EPM2A: variants seen among roughly 807,000 people sequenced by gnomAD.
The protein encoded by EPM2A is laforin.
EPM2A carries 21 observed loss-of-function variants against 26.5 expected under a neutral mutation model. The ratio of observed to expected loss-of-function variants is 0.79; its 90% confidence interval spans 0.56 to 1.14. EPM2A has a LOEUF of 1.14. Among genes scored for constraint, EPM2A ranks in the 50% most tolerant of loss-of-function variants. The pLI is 0.00. For synonymous variants in EPM2A, 217 were observed against 177.6 expected, an observed-to-expected ratio of 1.22 and a Z score of -1.76; for missense variants, 458 against 440.8, an observed-to-expected ratio of 1.04 and a Z score of -0.35.
chr6:145,487,527 T>C (rs1779694617), intron 4 of EPM2A, among the ~76,000 whole-genome samples: 1 of 152,232 alleles, frequency 6.6e-6, no homozygotes, highest in African/African-American at 2.4e-5. Flanking sequence ...TTTTTAATAA[T>C]TGTCATTCTG....
rs190119910 is a variant in EPM2A, at chr6:145,708,583, T to A, written c.302-22287A>T. 2.8e-3 allele frequency among the ~76,000 whole-genome samples: 422 copies of A among 152,254 alleles called. 5 individuals are homozygous for A. The highest frequency in any genetic ancestry group is 9.7e-3 in the African/African-American group (403 of 41,542). On this transcript the variant is annotated intron_variant, in intron 1 of 3. Transcript: ENST00000367519. The stretch of plus-strand genomic sequence containing the variant: ...TGTTGAGCCTGTGGATGCATGGAAG[T>A]CAAGAATTGAGGTTTGGGAACCTCC...
intron 4 of EPM2A, among the ~76,000 whole-genome samples, chr6:145,416,805 T>A (rs1282848578): frequency 6.6e-6 from 1 of 152,180 alleles, no homozygotes; most frequent in Non-Finnish European, 1.5e-5. Context: ...ATAGACAAAC[T>A]GACAACATTT....
intron 2 of EPM2A, among the ~76,000 whole-genome samples, chr6:145,672,462 C>T (rs1480490529): frequency 6.6e-6 from 1 of 152,206 alleles, no homozygotes; most frequent in East Asian, 1.9e-4. Flanking sequence ...TGAGAACTAA[C>T]TACAATGATA....
chr6:145,703,141 A>G (rs557321816), intron 1 of EPM2A, among the ~76,000 whole-genome samples: 40 of 140,622 alleles, frequency 2.8e-4, no homozygotes, highest in South Asian at 8.7e-4. Flanking sequence ...TGCCCATGCT[A>G]GAGTGCAGTG....
chr6:145,505,300 A>T (rs1464939152), intron 2 of EPM2A, among the ~76,000 whole-genome samples: 1 of 152,174 alleles, frequency 6.6e-6, no homozygotes, highest in East Asian at 1.9e-4. Context: ...AGGTGCATGA[A>T]TAGTACATAG....
intron 4 of EPM2A, among the ~76,000 whole-genome samples, chr6:145,393,221 C>A (rs1000077291): frequency 2.6e-5 from 4 of 152,068 alleles, no homozygotes; most frequent in Non-Finnish European, 5.9e-5. Flanking sequence ...AGGAAAGATA[C>A]TCGAGTAGCT....
chr6:145,396,869 C>G (rs908502887), intron 4 of EPM2A, among the ~76,000 whole-genome samples: 3 of 152,170 alleles, frequency 2.0e-5, no homozygotes, highest in African/African-American at 7.2e-5. Context: ...CCATTTCTAC[C>G]TGGGATTCCC....
At chr6:145,657,387 C>G (rs1326572599) in intron 2 of EPM2A, among the ~76,000 whole-genome samples, 1 of 152,100 alleles carries the variant, frequency 6.6e-6, no homozygotes, top group Non-Finnish European at 1.5e-5. Context: ...CTGCACCCAG[C>G]CTTTTCCTAT....
intron 2 of EPM2A, among the ~76,000 whole-genome samples, chr6:145,614,492 G>A (rs551522111): frequency 9.2e-5 from 14 of 152,282 alleles, no homozygotes; most frequent in South Asian, 2.1e-4. Flanking sequence ...AGCTGACCTC[G>A]GCTTTCAAAA....
chr6:145,657,877 A>C (rs1778409869), intron 2 of EPM2A, among the ~76,000 whole-genome samples: 1 of 152,184 alleles, frequency 6.6e-6, no homozygotes. Flanking sequence ...ACTTATGGGC[A>C]CTCAGGTGAT....
In EPM2A at chr6:145,386,104, TA is replaced by T. The variant is rs779435380; in HGVS notation, c.556-2008del. On this transcript the variant is annotated intron_variant, in intron 4 of 4. Transcript: ENST00000638717. ...TTCAATAGAATATTCTTTAAAATAA[TA>T]AAAAAAAGATTTTAGGGAAAGGTGT... is the stretch of plus-strand genomic sequence containing the variant. Among the ~76,000 whole-genome samples the T allele has an allele frequency of 2.4e-4, 37 of 151,924 alleles. 1 individual carries two copies. Among genetic ancestry groups the T allele is most frequent in the African/African-American group, 7.7e-4 (32 of 41,474 alleles).
intron 4 of EPM2A, among the ~76,000 whole-genome samples, chr6:145,406,311 A>G (rs1399860759): frequency 2.0e-5 from 3 of 152,190 alleles, no homozygotes; most frequent in African/African-American, 7.2e-5. Flanking sequence ...CTAACAATAT[A>G]CAAGAAGCTT....
At chr6:145,578,356 G>A (rs912389107) in intron 2 of EPM2A, among the ~76,000 whole-genome samples, 2 of 152,172 alleles carry the variant, frequency 1.3e-5, no homozygotes, top group South Asian at 2.1e-4. Flanking sequence ...TGAAAAAGGA[G>A]ACATTACAAC....
At chr6:145,655,437 G>T (rs575320305) in intron 2 of EPM2A, among the ~76,000 whole-genome samples, 13 of 152,188 alleles carry the variant, frequency 8.5e-5, no homozygotes, top group Non-Finnish European at 1.9e-4. Context: ...GAAATAGGTT[G>T]CAAGGATACA....
intron 1 of EPM2A, among the ~76,000 whole-genome samples, chr6:145,723,449 A>G (rs1020486319): frequency 6.6e-6 from 1 of 152,152 alleles, no homozygotes; most frequent in African/African-American, 2.4e-5. Flanking sequence ...ACAAAAACAC[A>G]CAAGTATACC....
At chr6:145,513,171 A>G (rs2114765156) in intron 2 of EPM2A, among the ~76,000 whole-genome samples, 1 of 152,350 alleles carries the variant, frequency 6.6e-6, no homozygotes, top group South Asian at 2.1e-4. Flanking sequence ...CAAAGGATTA[A>G]TATCCTGAGT....
At chr6:145,711,732 G>C (rs1298347200) in intron 1 of EPM2A, among the ~76,000 whole-genome samples, 2 of 152,038 alleles carry the variant, frequency 1.3e-5, no homozygotes, top group African/African-American at 2.4e-5. Flanking sequence ...ATGTTTTTTA[G>C]AAAAGTTGAT....
rs376649906 is a variant in EPM2A at position 145,397,324 on chromosome 6, T to C, written c.556-13227A>G. Reference sequence around the variant, plus strand: ...GGCATGGTGGCACATGCCTGTAGTCTCGGTTACTTGGGAGGTAGAGGCAGG... The same window carrying C: ...GGCATGGTGGCACATGCCTGTAGTCCCGGTTACTTGGGAGGTAGAGGCAGG... On this transcript the variant is annotated intron_variant, in intron 4 of 4. Coordinates refer to the EPM2A transcript ENST00000638717. 1.8e-4 allele frequency among the ~76,000 whole-genome samples: 27 copies of C among 152,114 alleles called. No individual in the cohort carries two copies. The East Asian group carries it at 4.3e-3, about 24-fold the overall frequency.
chr6:145,511,581 T>C (rs540624252), intron 2 of EPM2A, among the ~76,000 whole-genome samples: 1 of 152,182 alleles, frequency 6.6e-6, no homozygotes, highest in South Asian at 2.1e-4. Flanking sequence ...CTTAACAAAC[T>C]AGGCATAGAC....
Sources: gnomAD v4.1 joint callset for allele counts (sites outside exome capture counted in the v4.1 genomes callset) on GRCh38, gnomAD v4.1.1 for gene constraint, MANE v1.5 for transcripts, NCBI Gene and HGNC (gene_info 2026-07-23, HGNC 2026-07-21) for gene names.